Variants in POF1B observed in about 807,000 individuals in gnomAD.
The protein encoded by POF1B is protein POF1B.
Under a neutral mutation model 55.3 loss-of-function variants are expected in POF1B, and 53 were observed. The observed-to-expected ratio is 0.96, with a 90% CI of 0.77 to 1.20. POF1B has a LOEUF of 1.20. POF1B is among the 50% of genes most tolerant of loss of function. POF1B has a pLI of 0.00. For synonymous variants in POF1B, 188 were observed against 148.3 expected (o/e 1.27, Z -1.95); for missense variants, 478 against 420.5 (o/e 1.14, Z -1.20).
intron 4 of POF1B, among the ~76,000 whole-genome samples, chrX:85,352,066 A>T (rs1933401972): frequency 9.0e-6 from 1 of 110,948 alleles, no homozygotes; most frequent in Admixed American, 9.6e-5. Flanking sequence ...ATTCAACTAA[A>T]TTGCTGTAAG....
At chrX:85,332,447 C>A (rs1255007594) in intron 6 of POF1B, among the ~76,000 whole-genome samples, 2 of 110,786 alleles carry the variant, frequency 1.8e-5, no homozygotes, top group African/African-American at 6.5e-5. Flanking sequence ...CACTGTGGCT[C>A]CCATCCCCAA....
At chrX:85,343,857 G>A (rs1933221689) in intron 6 of POF1B, among the ~76,000 whole-genome samples, 1 of 110,866 alleles carries the variant, frequency 9.0e-6, no homozygotes, top group African/African-American at 3.3e-5. Context: ...CAAATTCAAG[G>A]AGGAACTATC....
chrX:85,299,897 TA>T (rs1344331269), intron 15 of POF1B, among the ~76,000 whole-genome samples: 1 of 112,757 alleles, frequency 8.9e-6, no homozygotes, highest in African/African-American at 3.2e-5. Context: ...ATTGTCGTTA[TA>T]ATTGTCATTG....
At position 85,345,912 on chromosome X, in the gene POF1B, G is replaced by A; in HGVS notation, c.671C>T (p.Thr224Ile). 8.3e-7 allele frequency: 1 copy of A among 1,207,905 alleles called. No homozygotes were observed. The change falls in exon 6 of 17, where the codon ACA becomes ATA. Residue 224 changes from threonine (T) to isoleucine (I), a missense_variant. By Grantham distance (89) the Thr-to-Ile change is moderately conservative (BLOSUM62 -1). Coordinates refer to ENST00000262753, the MANE Select transcript of POF1B (RefSeq NM_024921.4). ...ATGGCACAGTTCATTTCCAATATGT[G>A]TAGAAATTGGATTATTTCCTGTGAT... ...QAITGNNPISTHIGNELCHSG... is the reference protein window; with the variant it reads ...QAITGNNPISIHIGNELCHSG...
intron 15 of POF1B, among the ~76,000 whole-genome samples, chrX:85,285,490 C>T (rs1490440397): frequency 2.7e-5 from 3 of 110,294 alleles, no homozygotes; most frequent in African/African-American, 9.9e-5. Flanking sequence ...GATGAGTTCA[C>T]GTCCTTTGTA....
intron 12 of POF1B, 95 bp downstream of exon 12, chrX:85,306,086 T>C (rs776452978): frequency 1.0e-6 from 1 of 952,511 alleles, no homozygotes; most frequent in South Asian, 2.4e-5. Flanking sequence ...GATCTAACAG[T>C]ATGTGAGGGA....
chrX:85,310,180 C>T (rs969562691), intron 9 of POF1B, among the ~76,000 whole-genome samples: 8 of 111,756 alleles, frequency 7.2e-5, no homozygotes, highest in Non-Finnish European at 1.5e-4. Flanking sequence ...ATTCCAAGAA[C>T]AACAAAAATC....
At chrX:85,284,615 G>T (rs1304026149) in intron 15 of POF1B, among the ~76,000 whole-genome samples, 4 of 107,699 alleles carry the variant, frequency 3.7e-5, no homozygotes, top group African/African-American at 1.4e-4. Context: ...GTAGAAAGCT[G>T]AAACTGGATC....
At chrX:85,353,021 A>G (rs1416286223) in intron 4 of POF1B, among the ~76,000 whole-genome samples, 2 of 111,490 alleles carry the variant, frequency 1.8e-5, no homozygotes, top group African/African-American at 6.5e-5. Flanking sequence ...ATGAACATAA[A>G]CATATATGCA....
At chrX:85,349,983 A>G (rs1311284483) in intron 5 of POF1B, among the ~76,000 whole-genome samples, 1 of 110,683 alleles carries the variant, frequency 9.0e-6, no homozygotes, top group Non-Finnish European at 1.9e-5. Flanking sequence ...ACTCTGCATG[A>G]AGGACTTGCG....
rs188354719 is a variant in POF1B, at chrX:85,281,165, T to A, written c.1764+1038A>T. Among the ~76,000 whole-genome samples the A allele has an allele frequency of 5.9e-3, 623 of 105,060 alleles. 3 individuals are homozygous for A. Among genetic ancestry groups the A allele is most frequent in the Non-Finnish European group, 9.8e-3 (504 of 51,280 alleles). 91.2% of individuals were successfully genotyped at this position (105,060 alleles called of 115,157 possible). A position where few individuals can be genotyped will look rare whatever the true frequency, so the allele number is the denominator to read the frequency against. ...TTCAGGAAAAAAATCATTTCTGTAC[T>A]GAACATGTACAGACTTTTTTTTTTT... On this transcript the variant is annotated intron_variant, in intron 16 of 16. Coordinates refer to ENST00000262753, the MANE Select transcript of POF1B (RefSeq NM_024921.4).
chrX:85,334,649 T>C (rs938565692), intron 6 of POF1B, among the ~76,000 whole-genome samples: 17 of 110,947 alleles, frequency 1.5e-4, no homozygotes, highest in African/African-American at 5.2e-4. Context: ...AGAGGCAAAT[T>C]AGTGTCCATT....
intron 2 of POF1B, among the ~76,000 whole-genome samples, chrX:85,376,401 CTATT>C (rs1313240741): frequency 9.0e-6 from 1 of 111,570 alleles, no homozygotes; most frequent in Non-Finnish European, 1.9e-5. Context: ...TTCTAGAACT[CTATT>C]TATTTGCAAG....
chrX:85,289,821 G>A (rs918314284), intron 15 of POF1B, among the ~76,000 whole-genome samples: 2 of 111,076 alleles, frequency 1.8e-5, no homozygotes, highest in South Asian at 3.8e-4. Context: ...AACAGGGATC[G>A]GTATCCAGAG....
intron 3 of POF1B, among the ~76,000 whole-genome samples, chrX:85,360,523 GTATGTATATATATATATATATATA>G (rs1164533746): frequency 1.0e-4 from 5 of 48,818 alleles, no homozygotes; most frequent in African/African-American, 3.9e-4. Context: ...GTATTCCATG[GTATGTATATATATATATATATATA>G]TATATATATA....
intron 9 of POF1B, among the ~76,000 whole-genome samples, chrX:85,310,930 T>C (rs1932682676): frequency 8.9e-6 from 1 of 112,043 alleles, no homozygotes; most frequent in Non-Finnish European, 1.9e-5. Context: ...GGAACTAGGA[T>C]ACTATTTTTT....
intron 15 of POF1B, 127 bp from the exon 16 acceptor site, chrX:85,282,444 T>A: frequency 2.9e-6 from 1 of 345,343 alleles, no homozygotes. Context: ...TAACTGTTAC[T>A]GAAAAAACAA....
intron 4 of POF1B, among the ~76,000 whole-genome samples, chrX:85,356,217 C>G (rs1206028567): frequency 1.8e-5 from 2 of 108,567 alleles, no homozygotes; most frequent in East Asian, 2.9e-4. Context: ...GGACAAAAAA[C>G]CAAACACCGC....
chrX:85,353,780 A>G (rs1452873357), intron 4 of POF1B, among the ~76,000 whole-genome samples: 1 of 111,618 alleles, frequency 9.0e-6, no homozygotes, highest in Non-Finnish European at 1.9e-5. Context: ...GCTAGGTTAA[A>G]CTAGCAATTG....
Sources: allele counts gnomAD v4.1 joint callset (sites outside exome capture counted in the v4.1 genomes callset), GRCh38; gene constraint gnomAD v4.1.1; transcripts MANE v1.5; gene names NCBI Gene and HGNC (gene_info 2026-07-23, HGNC 2026-07-21).